Variants in PACRG observed in about 807,000 individuals in gnomAD.
PACRG encodes parkin coregulated.
Under a neutral mutation model 29.7 loss-of-function variants are expected in PACRG, and 29 were observed. The observed-to-expected ratio is 0.98, with a 90% CI of 0.73 to 1.33. PACRG has a LOEUF of 1.33. Among genes scored for constraint, PACRG ranks in the 40% most tolerant of loss-of-function variants. The pLI, the probability that PACRG is intolerant of heterozygous loss-of-function variation, is 0.00. For missense variants in PACRG, 279 were observed against 316.2 expected (o/e 0.88, Z 0.89); for synonymous variants, 116 against 118.7 (o/e 0.98, Z 0.15).
rs1796701853 is a variant in PACRG, at chr6:162,916,464, T to G, written c.291+102183T>G. Among the ~76,000 whole-genome samples, 4 of 152,332 alleles carry G rather than the reference T, an allele frequency of 2.6e-5. 1 individual carries two copies. In the South Asian group the frequency reaches 8.3e-4, roughly 32 times the overall value. The stretch of plus-strand genomic sequence containing the variant: ...TTTGTCCCTTATTTCTTCAAATATA[T>G]TTTCTGTTTTAATCTTTTTCTCCTT... On this transcript the variant is annotated intron_variant, in intron 2 of 4. Transcript: ENST00000366888.
intron 2 of PACRG, among the ~76,000 whole-genome samples, chr6:162,844,716 G>A (rs529640595): frequency 1.3e-5 from 2 of 152,260 alleles, no homozygotes; most frequent in Non-Finnish European, 2.9e-5. Flanking sequence ...ATTTTTATAA[G>A]CTGTCACCAT....
At chr6:163,171,856 C>CT (rs929763632) in intron 4 of PACRG, among the ~76,000 whole-genome samples, 20 of 152,312 alleles carry the variant, frequency 1.3e-4, no homozygotes, top group African/African-American at 4.1e-4. Context: ...GGGACCCCTT[C>CT]TGAGAGTGTG....
chr6:163,101,569 C>A, intron 4 of PACRG: 1 of 335,280 alleles, frequency 3.0e-6, no homozygotes, highest in Non-Finnish European at 4.2e-6. Context: ...GAATCAGTAC[C>A]TTTTCTATTT....
intron 2 of PACRG, among the ~76,000 whole-genome samples, chr6:162,942,453 C>T (rs879342520): frequency 1.3e-5 from 2 of 152,064 alleles, no homozygotes; most frequent in Non-Finnish European, 2.9e-5. Context: ...TTTGTACTGA[C>T]ACTTCATCCA....
At chr6:163,218,642 A>C (rs1156519939) in intron 4 of PACRG, among the ~76,000 whole-genome samples, 1 of 152,214 alleles carries the variant, frequency 6.6e-6, no homozygotes, top group East Asian at 1.9e-4. Flanking sequence ...TCAAACTCCC[A>C]GCAACACTCA....
chr6:163,179,493 A>G (rs987376714), intron 4 of PACRG: 1 of 260,276 alleles, frequency 3.8e-6, no homozygotes, highest in Non-Finnish European at 7.7e-6. Context: ...TCAGCCCGGG[A>G]AGGAGTTCCA....
At chr6:163,297,907 A>G (rs886274105) in intron 4 of PACRG, among the ~76,000 whole-genome samples, 2 of 152,088 alleles carry the variant, frequency 1.3e-5, no homozygotes, top group Admixed American at 1.3e-4. Context: ...TATGACCATC[A>G]ATTCAGCTTC....
At chr6:163,249,548 G>C (rs1174985976) in intron 4 of PACRG, among the ~76,000 whole-genome samples, 1 of 152,182 alleles carries the variant, frequency 6.6e-6, no homozygotes, top group Admixed American at 6.5e-5. Flanking sequence ...CTGATGGGCC[G>C]GAAGTGGAGC....
intron 4 of PACRG, chr6:163,095,376 G>GT: frequency 1.0e-6 from 1 of 985,466 alleles, no homozygotes; most frequent in Non-Finnish European, 1.2e-6. Flanking sequence ...ATTATTCTGA[G>GT]TTGTCTGTAA....
At chr6:162,953,763 TA>T (rs1429184005) in intron 2 of PACRG, among the ~76,000 whole-genome samples, 1 of 151,570 alleles carries the variant, frequency 6.6e-6, no homozygotes, top group Non-Finnish European at 1.5e-5. Flanking sequence ...GCATCCATGA[TA>T]ACACAAGAAA....
intron 4 of PACRG, among the ~76,000 whole-genome samples, chr6:163,210,316 T>C (rs1467442903): frequency 6.6e-6 from 1 of 152,218 alleles, no homozygotes; most frequent in Non-Finnish European, 1.5e-5. Context: ...TGTAATCCAT[T>C]CTATAATGCA....
intron 2 of PACRG, among the ~76,000 whole-genome samples, chr6:162,855,197 T>C (rs900463997): frequency 6.6e-5 from 10 of 152,156 alleles, no homozygotes; most frequent in Non-Finnish European, 1.0e-4. Flanking sequence ...TGACACCTGG[T>C]AGAGCTGTTG....
chr6:162,744,594 T>TTA (rs1007813953), intron 1 of PACRG, among the ~76,000 whole-genome samples: 42 of 151,936 alleles, frequency 2.8e-4, no homozygotes, highest in African/African-American at 8.9e-4. Flanking sequence ...CCCCATCTCT[T>TTA]TATATATATA....
intron 4 of PACRG, among the ~76,000 whole-genome samples, chr6:163,222,053 T>C (rs1781601856): frequency 6.6e-6 from 1 of 152,202 alleles, no homozygotes; most frequent in African/African-American, 2.4e-5. Flanking sequence ...GGAACATTTT[T>C]CCTAAATAAA....
rs1003024196 is a variant in PACRG at position 163,007,522 on chromosome 6, C to T, written c.292-54628C>T. Reference sequence around the variant, plus strand: ...GTGCTCCCTTTTGAAAGTGAGACACCCTACTCTGTCTCCTCAGCTTGGGAG... The same window carrying T: ...GTGCTCCCTTTTGAAAGTGAGACACTCTACTCTGTCTCCTCAGCTTGGGAG... On this transcript the variant is annotated intron_variant, in intron 2 of 4. Coordinates refer to ENST00000366888, the MANE Select transcript of PACRG (RefSeq NM_001080379.2). 8.7e-4 allele frequency among the ~76,000 whole-genome samples: 132 copies of T among 151,950 alleles called. 1 individual carries two copies. The highest frequency in any genetic ancestry group is 3.1e-3 in the African/African-American group (128 of 41,444).
At chr6:163,115,652 G>A (rs936911784) in intron 4 of PACRG, among the ~76,000 whole-genome samples, 5 of 152,032 alleles carry the variant, frequency 3.3e-5, no homozygotes, top group African/African-American at 7.2e-5. Context: ...CAAGCAGGAC[G>A]AGGCTGCGAT....
intron 4 of PACRG, among the ~76,000 whole-genome samples, chr6:163,280,238 G>T (rs935593996): frequency 1.3e-5 from 2 of 152,184 alleles, no homozygotes; most frequent in African/African-American, 4.8e-5. Flanking sequence ...CTGTGTTGTT[G>T]CTGCCGTGTC....
intron 1 of PACRG, among the ~76,000 whole-genome samples, chr6:162,793,904 C>T (rs1398963129): frequency 6.6e-6 from 1 of 152,126 alleles, no homozygotes; most frequent in Non-Finnish European, 1.5e-5. Flanking sequence ...GGCTTAATAC[C>T]TGGGTGATGA....
At chr6:163,165,825 A>G in intron 4 of PACRG, 1 of 297,990 alleles carries the variant, frequency 3.4e-6, no homozygotes, top group African/African-American at 2.2e-5. Context: ...AGGCGAGGGG[A>G]CCAGGGAGGC....
Sources: gnomAD v4.1 joint callset for allele counts (sites outside exome capture counted in the v4.1 genomes callset) on GRCh38, gnomAD v4.1.1 for gene constraint, MANE v1.5 for transcripts, NCBI Gene and HGNC (gene_info 2026-07-23, HGNC 2026-07-21) for gene names.